The following PCDHA9 variants were observed in gnomAD, a reference collection of about 807,000 sequenced individuals.
PCDHA9 encodes the protein protocadherin alpha-9.
Under a neutral mutation model 62.0 loss-of-function variants are expected in PCDHA9, and 62 were observed. The observed-to-expected ratio is 1.00, with a 90% confidence interval of 0.81 to 1.23. The LOEUF (loss-of-function observed/expected upper bound fraction) is 1.23. PCDHA9 is among the 50% of genes most tolerant of loss of function. The pLI, the probability that PCDHA9 is intolerant of heterozygous loss-of-function variation, is 0.00. For missense variants in PCDHA9, 1,205 were observed against 1,249.8 expected, an observed-to-expected ratio of 0.96 and a Z score of 0.54; for synonymous variants, 557 against 567.6, an observed-to-expected ratio of 0.98 and a Z score of 0.27.
In PCDHA9 at chr5:141,010,126, C is replaced by A; in HGVS notation, c.*189C>A. The A allele has an allele frequency of 6.2e-7, 1 of 1,602,364 alleles. No homozygotes were observed. The highest frequency in any genetic ancestry group is 1.1e-5 in the South Asian group (1 of 89,898). ...TTTTGTCGTAAAAGCTTTACTAAGT[C>A]TGGTGTTAACTCTTTCTCTCCACTC... On this transcript the variant is annotated 3_prime_UTR_variant, in exon 4 of 4. Coordinates refer to ENST00000532602, the MANE Select transcript of PCDHA9 (RefSeq NM_031857.2).
chr5:140,882,658 G>A (rs2059245402), intron 1 of PCDHA9: 3 of 1,614,148 alleles, frequency 1.9e-6, no homozygotes, highest in Middle Eastern at 1.7e-4. Context: ...ACGACAACCC[G>A]CCCATATTCC....
At chr5:140,955,797 T>C (rs1374924586) in intron 1 of PCDHA9, among the ~76,000 whole-genome samples, 3 of 152,212 alleles carry the variant, frequency 2.0e-5, no homozygotes, top group Non-Finnish European at 4.4e-5. Flanking sequence ...TGTTTTTCTA[T>C]TTGTTTGTGT....
chr5:140,995,930 A>G (rs186484511), intron 3 of PCDHA9, among the ~76,000 whole-genome samples: 1 of 152,342 alleles, frequency 6.6e-6, no homozygotes, highest in Admixed American at 6.5e-5. Context: ...TGTTGTAAGT[A>G]TTAAATGACA....
At chr5:140,919,816 A>T (rs542185810) in intron 1 of PCDHA9, among the ~76,000 whole-genome samples, 22 of 152,358 alleles carry the variant, frequency 1.4e-4, no homozygotes, top group African/African-American at 5.3e-4. Flanking sequence ...GGCCTCAAAA[A>T]TATATGTCCA....
chr5:140,892,578 T>G (rs2063581965), intron 1 of PCDHA9, among the ~76,000 whole-genome samples: 1 of 152,178 alleles, frequency 6.6e-6, no homozygotes, highest in Non-Finnish European at 1.5e-5. Context: ...AAAGTATATC[T>G]CAGTATTCAT....
chr5:140,925,455 T>TTG, intron 1 of PCDHA9, among the ~76,000 whole-genome samples: 1 of 152,222 alleles, frequency 6.6e-6, no homozygotes, highest in East Asian at 1.9e-4. Flanking sequence ...GGTGTATCTG[T>TTG]TGTGGCTCAG....
chr5:140,992,436 G>A (rs782486395), intron 3 of PCDHA9, among the ~76,000 whole-genome samples: 10 of 152,186 alleles, frequency 6.6e-5, no homozygotes, highest in Non-Finnish European at 1.3e-4. Flanking sequence ...TGTTCCAAGA[G>A]TTGGGAGCAG....
At chr5:140,893,117 T>C (rs536917492) in intron 1 of PCDHA9, among the ~76,000 whole-genome samples, 72 of 152,356 alleles carry the variant, frequency 4.7e-4, no homozygotes, top group South Asian at 1.2e-3. Flanking sequence ...GTTGTGCATA[T>C]ACACCACATT....
At chr5:140,928,657 G>T in intron 1 of PCDHA9, 1 of 1,614,220 alleles carries the variant, frequency 6.2e-7, no homozygotes, top group Admixed American at 1.7e-5. Flanking sequence ...AGAGGATGCT[G>T]ACAGTGGTTC....
intron 1 of PCDHA9, among the ~76,000 whole-genome samples, chr5:140,937,638 C>T (rs1563161991): frequency 6.7e-6 from 1 of 150,048 alleles, no homozygotes; most frequent in Non-Finnish European, 1.5e-5. Flanking sequence ...AAAGGCAGGG[C>T]ATGGTGGCTC....
chr5:140,988,495 G>GT (rs2097300130), intron 3 of PCDHA9, among the ~76,000 whole-genome samples: 1 of 152,158 alleles, frequency 6.6e-6, no homozygotes, highest in Non-Finnish European at 1.5e-5. Context: ...CTACCTAGGA[G>GT]AAGCCATGAA....
At chr5:140,968,661 T>C (rs1554230945) in intron 1 of PCDHA9, 1 of 1,614,182 alleles carries the variant, frequency 6.2e-7, no homozygotes, top group East Asian at 2.2e-5. Flanking sequence ...GACCTGGACC[T>C]CTTTAAGGTA....
chr5:140,945,346 A>C (rs2093775452), intron 1 of PCDHA9, among the ~76,000 whole-genome samples: 1 of 152,132 alleles, frequency 6.6e-6, no homozygotes, highest in South Asian at 2.1e-4. Context: ...AGCTTGGAAA[A>C]ATTAATACTG....
intron 1 of PCDHA9, chr5:140,858,289 T>G: frequency 6.3e-7 from 1 of 1,597,184 alleles, no homozygotes; most frequent in African/African-American, 1.3e-5. Context: ...GGAGCTGGTC[T>G]TACTCGCAGC....
chr5:140,892,261 G>A (rs1221882386), intron 1 of PCDHA9, among the ~76,000 whole-genome samples: 1 of 152,020 alleles, frequency 6.6e-6, no homozygotes, highest in Admixed American at 6.6e-5. Context: ...CTTTGATTTT[G>A]TGCTGAAAGT....
chr5:140,857,501 G>T, intron 1 of PCDHA9: 1 of 1,598,358 alleles, frequency 6.3e-7, no homozygotes. Context: ...GGACGCGCAG[G>T]AGAACGCCCT....
Position 141,012,299 on chromosome 5 carries a change from A to G in PCDHA9, c.*2362A>G, listed in dbSNP as rs1554263904. 1 of 153,754 alleles carries G rather than the reference A, an allele frequency of 6.5e-6. No homozygotes were observed. Among genetic ancestry groups the G allele is most frequent in the African/African-American group, 2.4e-5 (1 of 41,456 alleles). The allele number at this position is 153,754 out of a possible 1,614,324, so 9.5% of individuals were successfully genotyped here. A position where few individuals can be genotyped will look rare whatever the true frequency, so the allele number is the denominator to read the frequency against. ...TGTGGATTCATTTTGAATTGGTGCT[A>G]TTGGTATTTCCTCTGTTATTGCTAA... On this transcript the variant is annotated 3_prime_UTR_variant, in exon 4 of 4. Transcript: ENST00000532602.
At chr5:140,857,310 A>T in intron 1 of PCDHA9, 1 of 1,598,608 alleles carries the variant, frequency 6.3e-7, no homozygotes, top group Non-Finnish European at 8.6e-7. Flanking sequence ...TCGGCCTATG[A>T]GCTGGTGGTG....
chr5:141,007,084 AAG>A lies in PCDHA9; in HGVS notation c.2543-2538_2543-2537del, dbSNP rs576927752. On this transcript the variant is annotated intron_variant, in intron 3 of 3. Transcript: ENST00000532602. ...AGGAGAGAGTGAAGAGAAAATAGAG[AAG>A]AGAGTCTAGGGCCAAACCCAAGGAA... Among the ~76,000 whole-genome samples, 32 of 152,274 alleles carry A rather than the reference AAG, an allele frequency of 2.1e-4. No individual in the cohort carries two copies. The East Asian group carries it at 3.3e-3, about 16-fold the overall frequency.
Sources: gnomAD v4.1 joint callset for allele counts (sites outside exome capture counted in the v4.1 genomes callset) on GRCh38, gnomAD v4.1.1 for gene constraint, MANE v1.5 for transcripts, NCBI Gene and HGNC (gene_info 2026-07-23, HGNC 2026-07-21) for gene names.